SPPL3: variants seen among roughly 807,000 people sequenced by gnomAD.
SPPL3 encodes the protein signal peptide peptidase like 3.
In SPPL3, 5 loss-of-function variants were observed where a neutral mutation model predicts 42.4. The observed-to-expected ratio is 0.12, with a 90% CI of 0.06 to 0.25. The LOEUF is 0.25. Ranked by LOEUF, SPPL3 falls within the 10% of genes least tolerant of loss-of-function variation. The pLI is 1.00. For missense variants in SPPL3, 235 were observed against 489.0 expected (o/e 0.48, Z 4.90); for synonymous variants, 195 against 181.8 (o/e 1.07, Z -0.58).
chr12:120,865,637 A>G (rs1008127349), intron 1 of SPPL3, among the ~76,000 whole-genome samples: 8 of 152,184 alleles, frequency 5.3e-5, no homozygotes, highest in Admixed American at 6.5e-5. Flanking sequence ...TAGTAGATGC[A>G]TTCTAAGTTG....
chr12:120,879,442 T>C (rs1373396116), intron 1 of SPPL3, among the ~76,000 whole-genome samples: 21 of 152,050 alleles, frequency 1.4e-4, no homozygotes, highest in Non-Finnish European at 1.2e-4. Flanking sequence ...CTTCCCAAAA[T>C]AATGTTAAAG....
chr12:120,765,149 A>AAT, intron 10 of SPPL3, 79 bp from the exon 11 acceptor site: 4 of 1,354,528 alleles, frequency 3.0e-6, no homozygotes, highest in South Asian at 1.4e-5. Context: ...AAAAAAAAAA[A>AAT]TTTTTTTTCC....
At chr12:120,795,989 C>T (rs974050159) in intron 2 of SPPL3, among the ~76,000 whole-genome samples, 1 of 152,172 alleles carries the variant, frequency 6.6e-6, no homozygotes, top group Non-Finnish European at 1.5e-5. Context: ...TTTTCTTCTG[C>T]AGTTTCTAAT....
At chr12:120,858,859 G>A (rs903571939) in intron 1 of SPPL3, among the ~76,000 whole-genome samples, 2 of 152,208 alleles carry the variant, frequency 1.3e-5, no homozygotes, top group Non-Finnish European at 2.9e-5. Context: ...AACGAAATGT[G>A]AGCCGAGAAT....
Position 120,850,747 on chromosome 12 carries a change from G to A in SPPL3, c.24-39861C>T, listed in dbSNP as rs550248986. Among the ~76,000 whole-genome samples, 7 of 152,294 alleles carry A rather than the reference G, an allele frequency of 4.6e-5. 1 individual carries two copies. In the South Asian group the frequency reaches 1.5e-3, roughly 32 times the overall value. ...AATCTGACATCGGTTTTATAGGGCTGGTTCCCTGTGAGGGCTCTGAGGGAA... is the reference window on the plus strand; with the variant it reads ...AATCTGACATCGGTTTTATAGGGCTAGTTCCCTGTGAGGGCTCTGAGGGAA... On this transcript the variant is annotated intron_variant, in intron 1 of 10. Coordinates refer to ENST00000353487, the MANE Select transcript of SPPL3 (RefSeq NM_139015.5).
chr12:120,879,699 C>T (rs1353863561), intron 1 of SPPL3, among the ~76,000 whole-genome samples: 1 of 152,040 alleles, frequency 6.6e-6, no homozygotes, highest in Non-Finnish European at 1.5e-5. Context: ...TACCTGTGTT[C>T]AAATGCTACA....
chr12:120,777,615 C>T (rs1050010322), intron 6 of SPPL3, among the ~76,000 whole-genome samples: 10 of 151,778 alleles, frequency 6.6e-5, no homozygotes, highest in African/African-American at 2.4e-4. Context: ...ATAAGCTGGG[C>T]AAGCAACTTG....
intron 1 of SPPL3, chr12:120,845,282 C>T: frequency 5.5e-6 from 2 of 365,002 alleles, no homozygotes; most frequent in South Asian, 2.5e-5. Flanking sequence ...TGCTTGTTGG[C>T]AAACCCCAGG....
chr12:120,874,359 A>T (rs1307904985), intron 1 of SPPL3, among the ~76,000 whole-genome samples: 1 of 150,232 alleles, frequency 6.7e-6, no homozygotes, highest in Non-Finnish European at 1.5e-5. Context: ...AGGCTGAGGC[A>T]GGAGAATTGA....
intron 1 of SPPL3, among the ~76,000 whole-genome samples, chr12:120,902,701 G>A (rs1450231379): frequency 6.6e-6 from 1 of 152,152 alleles, no homozygotes; most frequent in Non-Finnish European, 1.5e-5. Context: ...TCTAAGAAGG[G>A]AATGTCTACA....
chr12:120,785,377 A>C (rs182420825), intron 3 of SPPL3, among the ~76,000 whole-genome samples: 5 of 152,300 alleles, frequency 3.3e-5, no homozygotes, highest in Admixed American at 2.0e-4. Flanking sequence ...TTGGCTTCCC[A>C]TTAGAGCTTT....
intron 1 of SPPL3, among the ~76,000 whole-genome samples, chr12:120,883,507 G>C (rs925794411): frequency 6.6e-6 from 1 of 151,958 alleles, no homozygotes; most frequent in South Asian, 2.1e-4. Flanking sequence ...TCTACTCCCA[G>C]GTATATAAAC....
intron 6 of SPPL3, among the ~76,000 whole-genome samples, chr12:120,771,756 G>C (rs544910162): frequency 6.6e-6 from 1 of 152,256 alleles, no homozygotes; most frequent in Non-Finnish European, 1.5e-5. Context: ...ATGGGGTCTT[G>C]TGGTGGGATG....
Position 120,783,668 on chromosome 12 carries a change from C to A in SPPL3, c.389+6G>T. 1 of 1,606,718 alleles carries A rather than the reference C, an allele frequency of 6.2e-7. No homozygotes were observed. The highest frequency in any genetic ancestry group is 2.2e-5 in the East Asian group (1 of 44,814). On this transcript the variant is annotated splice_donor_region_variant and intron_variant, in intron 5 of 10. Coordinates refer to ENST00000353487, the MANE Select transcript of SPPL3 (RefSeq NM_139015.5). ...ATAATTTAAGAGGAAAGTCCCAAGTCCTTACTTGTTCTGAGGTGAGCAGGG... is the reference window on the plus strand; with the variant it reads ...ATAATTTAAGAGGAAAGTCCCAAGTACTTACTTGTTCTGAGGTGAGCAGGG...
At chr12:120,847,663 T>C (rs992826976) in intron 1 of SPPL3, among the ~76,000 whole-genome samples, 4 of 151,860 alleles carry the variant, frequency 2.6e-5, no homozygotes, top group East Asian at 3.9e-4. Context: ...ACTCCTGAGC[T>C]CAAGTGACCC....
At chr12:120,877,329 AAG>A (rs1327419915) in intron 1 of SPPL3, among the ~76,000 whole-genome samples, 1 of 152,160 alleles carries the variant, frequency 6.6e-6, no homozygotes, top group Non-Finnish European at 1.5e-5. Context: ...CATCTTCCAG[AAG>A]AGGACAGAAA....
intron 1 of SPPL3, among the ~76,000 whole-genome samples, chr12:120,859,835 C>T (rs1327419117): frequency 6.6e-6 from 1 of 152,110 alleles, no homozygotes; most frequent in Non-Finnish European, 1.5e-5. Flanking sequence ...CCCAGCTACT[C>T]GGGAGGCTGA....
intron 1 of SPPL3, among the ~76,000 whole-genome samples, chr12:120,882,482 C>G (rs1873320159): frequency 6.6e-6 from 1 of 152,052 alleles, no homozygotes. Flanking sequence ...CATGTGTTTT[C>G]ATGCACACAT....
intron 1 of SPPL3, among the ~76,000 whole-genome samples, chr12:120,896,291 C>G (rs1873798987): frequency 6.6e-6 from 1 of 152,148 alleles, no homozygotes; most frequent in Non-Finnish European, 1.5e-5. Flanking sequence ...AGCTGTGGCC[C>G]TAGTTTGACT....
Sources: gnomAD v4.1 joint callset for allele counts (sites outside exome capture counted in the v4.1 genomes callset) on GRCh38, gnomAD v4.1.1 for gene constraint, MANE v1.5 for transcripts, NCBI Gene and HGNC (gene_info 2026-07-23, HGNC 2026-07-21) for gene names.